AFF3: variants seen among roughly 807,000 people sequenced by gnomAD.
The protein encoded by AFF3 is ALF transcription elongation factor 3.
A neutral mutation model predicts 129.7 loss-of-function variants in AFF3; 32 were observed. The observed-to-expected ratio is 0.25, with a 90% CI of 0.19 to 0.33. AFF3 has a LOEUF of 0.33. Ranked by LOEUF, AFF3 falls within the 10% of genes least tolerant of loss-of-function variation. The pLI is 1.00. For missense variants in AFF3, 1,373 were observed against 1,592.0 expected (o/e 0.86, Z 2.34); for synonymous variants, 644 against 635.4 (o/e 1.01, Z -0.20).
At chr2:99,920,330 TA>T (rs879536057) in intron 7 of AFF3, among the ~76,000 whole-genome samples, 197 of 150,730 alleles carry the variant, frequency 1.3e-3, no homozygotes, top group African/African-American at 4.3e-3. Flanking sequence ...TAGAAACATA[TA>T]AAAAAAAATA....
intron 7 of AFF3, among the ~76,000 whole-genome samples, chr2:99,953,656 A>G (rs1037006603): frequency 6.6e-6 from 1 of 152,238 alleles, no homozygotes; most frequent in Non-Finnish European, 1.5e-5. Flanking sequence ...GTTATATTGT[A>G]ATACCCATTC....
intron 7 of AFF3, among the ~76,000 whole-genome samples, chr2:99,899,215 T>C (rs914904568): frequency 6.6e-6 from 1 of 152,210 alleles, no homozygotes; most frequent in African/African-American, 2.4e-5. Context: ...TTCACAAATA[T>C]ACACAAGTTC....
At position 99,550,878 on chromosome 2, in the gene AFF3, G is replaced by A; in HGVS notation, c.*596C>T. 4.1e-6 allele frequency: 1 copy of A among 246,340 alleles called. No individual in the cohort carries two copies. Among genetic ancestry groups the A allele is most frequent in the East Asian group, 5.9e-5 (1 of 16,954 alleles). 15.3% of individuals were successfully genotyped at this position (246,340 alleles called of 1,614,324 possible). On this transcript the variant is annotated 3_prime_UTR_variant, in exon 25 of 25. Transcript: ENST00000672756. ...AGGGTATTTGGTAACATGCAATCTA[G>A]TAAACTTCCGGCACAAAAATACCTG...
At position 99,724,417 on chromosome 2, in the gene AFF3, C is replaced by T. The variant is rs189741826; in HGVS notation, c.1091+2660G>A. On this transcript the variant is annotated intron_variant, in intron 11 of 24. Transcript: ENST00000672756. ...CCTCCCCAGTAGCTGGGATTACAGG[C>T]GCATGCCACCACACTCAGCTAATTT... is the stretch of plus-strand genomic sequence containing the variant. 5.7e-3 allele frequency among the ~76,000 whole-genome samples: 873 copies of T among 151,832 alleles called. 9 individuals carry two copies. The highest frequency in any genetic ancestry group is 0.019 in the African/African-American group (788 of 41,384).
At chr2:99,923,987 GA>G in intron 7 of AFF3, among the ~76,000 whole-genome samples, 1 of 152,282 alleles carries the variant, frequency 6.6e-6, no homozygotes, top group Non-Finnish European at 1.5e-5. Context: ...GGACAAGAGA[GA>G]ATCTGAGCAG....
At chr2:99,663,716 A>G (rs550897418) in intron 12 of AFF3, among the ~76,000 whole-genome samples, 6 of 152,368 alleles carry the variant, frequency 3.9e-5, no homozygotes, top group Admixed American at 3.9e-4. Flanking sequence ...GTTAAAATAA[A>G]AAGACTGCCC....
At chr2:99,588,008 C>CAA (rs34481706) in intron 15 of AFF3, among the ~76,000 whole-genome samples, 136 of 106,916 alleles carry the variant, frequency 1.3e-3, no homozygotes, top group African/African-American at 2.7e-3. Context: ...GACTCCGTCT[C>CAA]AAAAAAAAAA....
intron 7 of AFF3, among the ~76,000 whole-genome samples, chr2:99,927,112 C>G (rs1696306001): frequency 6.6e-6 from 1 of 152,164 alleles, no homozygotes; most frequent in African/African-American, 2.4e-5. Context: ...ATGGATATCC[C>G]CACTCTCATC....
At chr2:99,784,805 G>T (rs753109364) in intron 8 of AFF3, among the ~76,000 whole-genome samples, 1 of 152,148 alleles carries the variant, frequency 6.6e-6, no homozygotes, top group Non-Finnish European at 1.5e-5. Context: ...CTATCATTCA[G>T]TCCATACCTT....
At chr2:99,934,232 G>A (rs1041519642) in intron 7 of AFF3, among the ~76,000 whole-genome samples, 1 of 152,152 alleles carries the variant, frequency 6.6e-6, no homozygotes, top group Non-Finnish European at 1.5e-5. Flanking sequence ...TCCAGATGAA[G>A]TGTCAGGTCT....
intron 8 of AFF3, among the ~76,000 whole-genome samples, chr2:99,806,796 T>C (rs1245827734): frequency 1.3e-5 from 2 of 152,204 alleles, no homozygotes; most frequent in Non-Finnish European, 2.9e-5. Context: ...TGGCAAACAG[T>C]AGGCGCTCTG....
At chr2:100,083,262 G>A (rs1689160197) in intron 4 of AFF3, among the ~76,000 whole-genome samples, 1 of 152,162 alleles carries the variant, frequency 6.6e-6, no homozygotes, top group South Asian at 2.1e-4. Context: ...AGGTCAATCA[G>A]CCGGTTTGCA....
intron 4 of AFF3, among the ~76,000 whole-genome samples, chr2:100,013,456 T>C (rs1431417112): frequency 6.6e-6 from 1 of 152,172 alleles, no homozygotes; most frequent in East Asian, 1.9e-4. Context: ...TCAAGAAACT[T>C]AGGATAAGAG....
At chr2:99,989,087 T>C (rs754563560) in intron 7 of AFF3, among the ~76,000 whole-genome samples, 5 of 152,186 alleles carry the variant, frequency 3.3e-5, no homozygotes, top group Non-Finnish European at 7.4e-5. Context: ...AGGAGCCAGG[T>C]GGAAGACTCT....
At chr2:99,905,436 C>T (rs894706810) in intron 7 of AFF3, among the ~76,000 whole-genome samples, 4 of 152,160 alleles carry the variant, frequency 2.6e-5, no homozygotes, top group South Asian at 2.1e-4. Flanking sequence ...TGCCCCTCTG[C>T]CCTCCCTTCC....
At chr2:100,061,359 G>A (rs1426090340) in intron 4 of AFF3, among the ~76,000 whole-genome samples, 3 of 151,968 alleles carry the variant, frequency 2.0e-5, no homozygotes, top group Non-Finnish European at 4.4e-5. Context: ...GACAGTGTAC[G>A]GCCCTTCCCT....
At chr2:99,969,395 A>G (rs965600250) in intron 7 of AFF3, among the ~76,000 whole-genome samples, 21 of 152,216 alleles carry the variant, frequency 1.4e-4, no homozygotes, top group African/African-American at 4.8e-4. Context: ...AAGACAGATT[A>G]TTTCTTATTA....
intron 7 of AFF3, among the ~76,000 whole-genome samples, chr2:99,886,209 G>C (rs953561733): frequency 2.6e-5 from 4 of 152,154 alleles, no homozygotes; most frequent in African/African-American, 9.7e-5. Context: ...ACCTCAGAAA[G>C]GTTTACCTGA....
chr2:99,772,198 C>T (rs1284609171), intron 8 of AFF3, among the ~76,000 whole-genome samples: 2 of 152,030 alleles, frequency 1.3e-5, no homozygotes, highest in African/African-American at 2.4e-5. Context: ...AAAAGAGTGA[C>T]GATGAGCCCC....
Sources: gnomAD v4.1 joint callset for allele counts (sites outside exome capture counted in the v4.1 genomes callset) on GRCh38, gnomAD v4.1.1 for gene constraint, MANE v1.5 for transcripts, NCBI Gene and HGNC (gene_info 2026-07-23, HGNC 2026-07-21) for gene names.